KIF13A: variants seen among roughly 807,000 people sequenced by gnomAD.
The protein encoded by KIF13A is kinesin family member 13A.
In KIF13A, 79 loss-of-function variants were observed where a neutral mutation model predicts 212.2. That is an observed-to-expected ratio of 0.37 (90% CI 0.31 to 0.45). The LOEUF is 0.45. Ranked by LOEUF, KIF13A falls within the 20% of genes least tolerant of loss-of-function variation. KIF13A has a pLI of 1.00. For synonymous variants in KIF13A, 789 were observed against 808.6 expected (o/e 0.98, Z 0.41); for missense variants, 1,901 against 2,209.0 (o/e 0.86, Z 2.79).
intron 17 of KIF13A, among the ~76,000 whole-genome samples, chr6:17,813,651 C>A (rs576068276): frequency 6.6e-6 from 1 of 152,080 alleles, no homozygotes; most frequent in Non-Finnish European, 1.5e-5. Context: ...GGCAGGGTTC[C>A]CTTTTCTCCT....
intron 19 of KIF13A, 55 bp from the exon 20 acceptor site, chr6:17,804,565 AAAT>A: frequency 7.1e-7 from 1 of 1,404,210 alleles, no homozygotes; most frequent in South Asian, 1.5e-5. Context: ...ACATCAATTT[AAAT>A]AATATTATTT....
rs1758707426 is a variant in KIF13A, at chr6:17,763,776, CA to C, written c.*333del. Reference sequence around the variant, plus strand: ...GTTCATATAATAATCAAAGGAATCACAGATTTGATGAAATATGGTAGATGCT... The same window carrying C: ...GTTCATATAATAATCAAAGGAATCACGATTTGATGAAATATGGTAGATGCT... On this transcript the variant is annotated 3_prime_UTR_variant, in exon 39 of 39. Coordinates refer to ENST00000259711, the MANE Select transcript of KIF13A (RefSeq NM_022113.6). 1.0e-6 allele frequency: 1 copy of C among 995,488 alleles called. No individual in the cohort carries two copies. The allele number at this position is 995,488 out of a possible 1,614,324, so 61.7% of individuals were successfully genotyped here.
chr6:17,896,634 C>T (rs557972652), intron 3 of KIF13A, among the ~76,000 whole-genome samples: 21 of 152,246 alleles, frequency 1.4e-4, no homozygotes, highest in Non-Finnish European at 2.6e-4. Flanking sequence ...AATTTCATGA[C>T]ACTTCTTAGG....
intron 2 of KIF13A, among the ~76,000 whole-genome samples, chr6:17,954,188 C>T (rs1402832559): frequency 2.0e-5 from 3 of 151,612 alleles, no homozygotes; most frequent in Non-Finnish European, 4.4e-5. Flanking sequence ...GTAGTCCCAG[C>T]TACTCCGAAG....
rs574326109 is a variant in KIF13A at position 17,963,301 on chromosome 6, C to G, written c.146+23753G>C. Among the ~76,000 whole-genome samples, 1 of 152,208 alleles carries G rather than the reference C, an allele frequency of 6.6e-6. No individual in the cohort carries two copies. The highest frequency in any genetic ancestry group is 2.1e-4 in the South Asian group (1 of 4,816). On this transcript the variant is annotated intron_variant, in intron 2 of 38. Coordinates refer to ENST00000259711, the MANE Select transcript of KIF13A (RefSeq NM_022113.6). This position sits in a 1 kb window ranked among gnomAD's most constrained non-coding sequence, Gnocchi z 4.1. ...GGCATGGTGGCGGGCGCCTGTAGTC[C>G]CAGCTACTCGGGAGGCTGACGCAGG...
At chr6:17,943,411 T>TG (rs1175488810) in intron 2 of KIF13A, among the ~76,000 whole-genome samples, 1 of 151,510 alleles carries the variant, frequency 6.6e-6, no homozygotes, top group Non-Finnish European at 1.5e-5. Context: ...TTTTTTTTTT[T>TG]TTTTTTTTGT....
chr6:17,762,827 C>G (rs1254482414), downstream of KIF13A, among the ~76,000 whole-genome samples: 1 of 152,044 alleles, frequency 6.6e-6, no homozygotes, highest in Non-Finnish European at 1.5e-5. Context: ...TAGGTTTTGG[C>G]AGTTCAGTAA....
At chr6:17,933,776 A>T (rs1776213391) in intron 2 of KIF13A, among the ~76,000 whole-genome samples, 1 of 152,184 alleles carries the variant, frequency 6.6e-6, no homozygotes, top group East Asian at 1.9e-4. Context: ...TCTGTGGTTC[A>T]CTTTTACCTT....
chr6:17,768,540 A>G lies in KIF13A; in HGVS notation c.4581+2574T>C, dbSNP rs1159849540. ...GGGCTCCAGTACTTCTGTCCATGGTACTGAGGAGTGAGCCCTTTATCTGAA... is the reference window on the plus strand; with the variant it reads ...GGGCTCCAGTACTTCTGTCCATGGTGCTGAGGAGTGAGCCCTTTATCTGAA... On this transcript the variant is annotated intron_variant, in intron 38 of 38. Coordinates refer to ENST00000259711, the MANE Select transcript of KIF13A (RefSeq NM_022113.6). The surrounding 1 kb of genome is among the most constrained non-coding windows in gnomAD (Gnocchi z 5.4). 6.6e-6 allele frequency among the ~76,000 whole-genome samples: 1 copy of G among 152,214 alleles called. No individual in the cohort carries two copies. Among genetic ancestry groups the G allele is most frequent in the Non-Finnish European group, 1.5e-5 (1 of 68,044 alleles).
intron 16 of KIF13A, among the ~76,000 whole-genome samples, chr6:17,824,266 A>G (rs1764738578): frequency 6.6e-6 from 1 of 152,214 alleles, no homozygotes; most frequent in African/African-American, 2.4e-5. Context: ...CTTCATAAAC[A>G]GAAATCAATG....
intron 2 of KIF13A, among the ~76,000 whole-genome samples, chr6:17,933,404 A>ATTTTTTTTT (rs11377627): frequency 8.7e-6 from 1 of 114,604 alleles, no homozygotes; most frequent in Non-Finnish European, 1.7e-5. Context: ...CACCCAGCTC[A>ATTTTTTTTT]TTTTTTTTTT....
intron 34 of KIF13A, among the ~76,000 whole-genome samples, chr6:17,775,346 ATAGTC>A (rs1312779855): frequency 2.0e-5 from 3 of 152,182 alleles, no homozygotes; most frequent in African/African-American, 4.8e-5. Flanking sequence ...GTCTTATTCA[ATAGTC>A]TAGTCAAGTA....
chr6:17,767,712 A>C (rs1428302125), intron 38 of KIF13A, among the ~76,000 whole-genome samples: 1 of 152,266 alleles, frequency 6.6e-6, no homozygotes, highest in Non-Finnish European at 1.5e-5. Context: ...AAGGAAAATC[A>C]AATTTAAAAA....
At chr6:17,957,742 T>C (rs931707713) in intron 2 of KIF13A, among the ~76,000 whole-genome samples, 5 of 152,160 alleles carry the variant, frequency 3.3e-5, no homozygotes. Context: ...CCCAAGACAT[T>C]TGGCCACAGA....
intron 6 of KIF13A, among the ~76,000 whole-genome samples, chr6:17,852,658 T>A (rs1767770221): frequency 6.6e-6 from 1 of 152,180 alleles, no homozygotes; most frequent in Non-Finnish European, 1.5e-5. Context: ...GCTCAAGCAA[T>A]CCTCCAGCCT....
At chr6:17,929,610 C>T (rs933509040) in intron 2 of KIF13A, among the ~76,000 whole-genome samples, 1 of 152,126 alleles carries the variant, frequency 6.6e-6, no homozygotes, top group African/African-American at 2.4e-5. Flanking sequence ...CCGTGTTAGC[C>T]AGCATGGTCT....
chr6:17,839,782 A>G lies in KIF13A; in HGVS notation c.831-2199T>C, dbSNP rs1275746830. On this transcript the variant is annotated intron_variant, in intron 9 of 38. Transcript: ENST00000259711. This position sits in a 1 kb window ranked among gnomAD's most constrained non-coding sequence, Gnocchi z 4.3. ...CAGAGACTGGAGTGATGCATCTACAAGACAGGGAACGCCGAGGATTGATGG... is the reference window on the plus strand; with the variant it reads ...CAGAGACTGGAGTGATGCATCTACAGGACAGGGAACGCCGAGGATTGATGG... Among the ~76,000 whole-genome samples, 1 of 152,202 alleles carries G rather than the reference A, an allele frequency of 6.6e-6. No homozygotes were observed.
intron 29 of KIF13A, among the ~76,000 whole-genome samples, chr6:17,782,420 G>A (rs147689002): frequency 0.025 from 3,847 of 151,918 alleles, 69 homozygotes; most frequent in South Asian, 0.05. Context: ...GGTGGATCAC[G>A]AGGTCAGGAG....
rs1186105812 is a variant in KIF13A at position 17,971,843 on chromosome 6, A to G, written c.146+15211T>C. On this transcript the variant is annotated intron_variant, in intron 2 of 38. Coordinates refer to ENST00000259711, the MANE Select transcript of KIF13A (RefSeq NM_022113.6). This position sits in a 1 kb window ranked among gnomAD's most constrained non-coding sequence, Gnocchi z 4.2. ...CCTTAAGTCTGAGAACCAATGAGCAAGGGCAGCTAACAGTCACTCTTGGAG... is the reference window on the plus strand; with the variant it reads ...CCTTAAGTCTGAGAACCAATGAGCAGGGGCAGCTAACAGTCACTCTTGGAG... Among the ~76,000 whole-genome samples the G allele has an allele frequency of 6.6e-6, 1 of 152,178 alleles. No individual in the cohort carries two copies. The highest frequency in any genetic ancestry group is 1.5e-5 in the Non-Finnish European group (1 of 68,040).
Sources: gnomAD v4.1 joint callset for allele counts (sites outside exome capture counted in the v4.1 genomes callset) on GRCh38, gnomAD v4.1.1 for gene constraint, Gnocchi (gnomAD v3.1) non-coding constraint, MANE v1.5 for transcripts, NCBI Gene and HGNC (gene_info 2026-07-23, HGNC 2026-07-21) for gene names.